CDK15: variants seen among roughly 807,000 people sequenced by gnomAD.
The protein encoded by CDK15 is cyclin dependent kinase 15, also known as cyclin-dependent kinase 15.
Under a neutral mutation model 60.3 loss-of-function variants are expected in CDK15, and 62 were observed. The ratio of observed to expected loss-of-function variants is 1.03; its 90% CI spans 0.84 to 1.27. The LOEUF (loss-of-function observed/expected upper bound fraction) is 1.27. CDK15 is among the 50% of genes most tolerant of loss of function. The pLI, the probability that CDK15 is intolerant of heterozygous loss-of-function variation, is 0.00. For synonymous variants in CDK15, 194 were observed against 195.7 expected (o/e 0.99, Z 0.07); for missense variants, 541 against 527.8 (o/e 1.03, Z -0.25).
At chr2:201,852,166 G>A (rs1283003088) in intron 9 of CDK15, among the ~76,000 whole-genome samples, 1 of 152,080 alleles carries the variant, frequency 6.6e-6, no homozygotes, top group Non-Finnish European at 1.5e-5. Context: ...TTGCCTATAA[G>A]CAGGTTAGAA....
chr2:201,833,210 G>GA (rs1444467855), intron 6 of CDK15, among the ~76,000 whole-genome samples: 2 of 81,822 alleles, frequency 2.4e-5, no homozygotes, highest in South Asian at 3.7e-4. Context: ...GATTTTTTTT[G>GA]AGGGGGGGGG....
intron 3 of CDK15, among the ~76,000 whole-genome samples, chr2:201,810,088 T>C (rs541816550): frequency 6.6e-6 from 1 of 151,990 alleles, no homozygotes; most frequent in South Asian, 2.1e-4. Flanking sequence ...ATAAACATAT[T>C]TGCCAAAAAA....
chr2:201,821,079 T>G (rs1364473821), intron 4 of CDK15, among the ~76,000 whole-genome samples: 1 of 152,152 alleles, frequency 6.6e-6, no homozygotes, highest in African/African-American at 2.4e-5. Flanking sequence ...GTGCATTCAT[T>G]TTATTCCCAG....
intron 11 of CDK15, among the ~76,000 whole-genome samples, chr2:201,873,660 T>A (rs1415786504): frequency 6.6e-6 from 1 of 152,242 alleles, no homozygotes; most frequent in Non-Finnish European, 1.5e-5. Flanking sequence ...TTTCTGACGA[T>A]ATAGCACCCA....
At position 201,839,211 on chromosome 2, in the gene CDK15, G is replaced by A. The variant is rs533509117; in HGVS notation, c.851+3448G>A. ...CATTTTTTTTAATGTCTATAGCTTTGCAATAATACTTGATACCTTGTAGGC... is the reference window on the plus strand; with the variant it reads ...CATTTTTTTTAATGTCTATAGCTTTACAATAATACTTGATACCTTGTAGGC... On this transcript the variant is annotated intron_variant, in intron 8 of 13. Transcript: ENST00000652192. Among the ~76,000 whole-genome samples the A allele has an allele frequency of 7.9e-5, 12 of 151,998 alleles. No homozygotes were observed. In the South Asian group the frequency reaches 2.3e-3, roughly 29 times the overall value.
At chr2:201,836,689 T>C (rs1697105527) in intron 8 of CDK15, among the ~76,000 whole-genome samples, 1 of 150,656 alleles carries the variant, frequency 6.6e-6, no homozygotes, top group Non-Finnish European at 1.5e-5. Flanking sequence ...GAAACAAACA[T>C]ATATCCCCAA....
At chr2:201,864,810 C>A (rs1574918286) in intron 10 of CDK15, among the ~76,000 whole-genome samples, 1 of 152,128 alleles carries the variant, frequency 6.6e-6, no homozygotes. Flanking sequence ...TGTGGAACCA[C>A]AAAATGGAGA....
chr2:201,850,133 A>AT (rs1302928837), intron 9 of CDK15, among the ~76,000 whole-genome samples: 2 of 152,132 alleles, frequency 1.3e-5, no homozygotes, highest in Non-Finnish European at 2.9e-5. Flanking sequence ...TCATAAACTG[A>AT]TTTTTAAAAT....
chr2:201,872,879 G>A lies in CDK15; in HGVS notation c.1058+553G>A, dbSNP rs559773304. ...GGGCTAAGAAGAACTCAGTGTTTTC[G>A]GACAATGACCAATTACAATAACCAG... On this transcript the variant is annotated intron_variant, in intron 11 of 13. Transcript: ENST00000652192. Among the ~76,000 whole-genome samples the A allele has an allele frequency of 9.9e-5, 15 of 152,270 alleles. No homozygotes were observed. The East Asian group carries it at 2.5e-3, about 25-fold the overall frequency.
intron 9 of CDK15, among the ~76,000 whole-genome samples, chr2:201,854,175 A>C (rs115443832): frequency 0.023 from 3,427 of 151,338 alleles, 44 homozygotes; most frequent in Middle Eastern, 0.045. Flanking sequence ...CTCCGTCTCA[A>C]AAAAAAAAAA....
chr2:201,865,892 CAAAAAAAAAAAAAA>C (rs35178158), intron 10 of CDK15, among the ~76,000 whole-genome samples: 2 of 40,092 alleles, frequency 5.0e-5, no homozygotes, highest in African/African-American at 7.4e-5. Flanking sequence ...TCCATCTCAA[CAAAAAAAAAAAAAA>C]AAAAAAAAAA....
chr2:201,873,606 C>T (rs1698948048), intron 11 of CDK15, among the ~76,000 whole-genome samples: 1 of 152,204 alleles, frequency 6.6e-6, no homozygotes, highest in East Asian at 1.9e-4. Context: ...GCCTTTCTTT[C>T]GAGGGCTGAG....
intron 12 of CDK15, chr2:201,888,329 G>A (rs72930918): frequency 0.028 from 37,754 of 1,360,260 alleles, 587 homozygotes; most frequent in Non-Finnish European, 0.031. Flanking sequence ...TCATTATCTC[G>A]TTCCGAAATG....
chr2:201,866,211 G>A (rs1446317186), intron 10 of CDK15, among the ~76,000 whole-genome samples: 1 of 152,122 alleles, frequency 6.6e-6, no homozygotes, highest in Non-Finnish European at 1.5e-5. Flanking sequence ...TTCCAGAGGT[G>A]TAGTTCAGTA....
chr2:201,841,281 A>T (rs1697367353), intron 8 of CDK15, among the ~76,000 whole-genome samples: 1 of 152,242 alleles, frequency 6.6e-6, no homozygotes, highest in African/African-American at 2.4e-5. Flanking sequence ...GAATTTAACC[A>T]TGAGCAACAA....
chr2:201,829,761 GT>G (rs1354014055), intron 6 of CDK15, among the ~76,000 whole-genome samples: 18 of 151,654 alleles, frequency 1.2e-4, no homozygotes, highest in Admixed American at 1.2e-3. Flanking sequence ...ATAACAATAA[GT>G]TATTATTTAT....
chr2:201,847,518 T>C (rs763143795), intron 9 of CDK15, 44 bp downstream of exon 9: 6 of 1,570,910 alleles, frequency 3.8e-6, no homozygotes, highest in South Asian at 1.1e-5. Context: ...ATCTGCATTT[T>C]AAGTTTTGAA....
intron 10 of CDK15, among the ~76,000 whole-genome samples, chr2:201,864,609 G>A (rs1478166591): frequency 3.9e-5 from 6 of 152,136 alleles, no homozygotes; most frequent in South Asian, 2.1e-4. Flanking sequence ...ATAAGCCACC[G>A]TGCCTGCCCT....
chr2:201,847,431 C>T lies in CDK15; in HGVS notation c.902C>T (p.Pro301Leu), dbSNP rs1268413699. The T allele has an allele frequency of 1.2e-6, 2 of 1,613,908 alleles. No homozygotes were observed. The highest frequency in any genetic ancestry group is 1.7e-6 in the Non-Finnish European group (2 of 1,180,006). The change falls in exon 9 of 14, where the codon CCT (proline) becomes CTT (leucine). Residue 301 changes from proline (P) to leucine (L), a missense_variant. Pro to Leu is a moderately conservative substitution (Grantham distance 98). Coordinates refer to ENST00000652192, the MANE Select transcript of CDK15 (RefSeq NM_001366386.2). ...ATGTTCCAGGGTCAACCTTTGTTTCCTGGGGTTTCCAACATCCTTGAACAG... is the reference window on the plus strand; with the variant it reads ...ATGTTCCAGGGTCAACCTTTGTTTCTTGGGGTTTCCAACATCCTTGAACAG... ...IEMFQGQPLFPGVSNILEQLE... is the reference protein window; with the variant it reads ...IEMFQGQPLFLGVSNILEQLE...
Sources: allele counts gnomAD v4.1 joint callset (sites outside exome capture counted in the v4.1 genomes callset), GRCh38; gene constraint gnomAD v4.1.1; transcripts MANE v1.5; gene names NCBI Gene and HGNC (gene_info 2026-07-23, HGNC 2026-07-21).